TBCK: variants seen among roughly 807,000 people sequenced by gnomAD.
TBCK encodes the protein TBC domain-containing protein kinase-like protein.
TBCK carries 99 observed loss-of-function variants against 113.4 expected under a neutral mutation model. That is an observed-to-expected ratio of 0.87 (90% CI 0.74 to 1.03). The LOEUF (loss-of-function observed/expected upper bound fraction) is 1.03, where lower values mean the gene tolerates loss of function less well. Ranked by LOEUF, TBCK falls within the 50% of genes least tolerant of loss-of-function variation. TBCK has a pLI of 0.00. For synonymous variants in TBCK, 369 were observed against 370.8 expected (o/e 1.00, Z 0.05); for missense variants, 1,045 against 1,061.3 (o/e 0.98, Z 0.21).
rs569852983 is a variant in TBCK, at chr4:106,118,740, T to C, written c.2236-2362A>G. ...GAGTGCCCTGACTAAGAAGAGGATT[T>C]GTCCAAAGTATTCTTTATGAAGAAC... On this transcript the variant is annotated intron_variant, in intron 23 of 25. Coordinates refer to ENST00000394708, the MANE Select transcript of TBCK (RefSeq NM_001163435.3). 2.9e-4 allele frequency among the ~76,000 whole-genome samples: 44 copies of C among 152,334 alleles called. No individual in the cohort carries two copies. In the South Asian group the frequency reaches 8.9e-3, roughly 31 times the overall value.
rs139256607 is a variant in TBCK at position 106,061,854 on chromosome 4, T to C, written c.2572-15174A>G. On this transcript the variant is annotated intron_variant, in intron 25 of 25. Coordinates refer to ENST00000394708, the MANE Select transcript of TBCK (RefSeq NM_001163435.3). ...TGCAAACTTGTCCCCAAATGGAATGTGAGATACGGCTTTATGGTGTTCATG... is the reference window on the plus strand; with the variant it reads ...TGCAAACTTGTCCCCAAATGGAATGCGAGATACGGCTTTATGGTGTTCATG... 2.1e-3 allele frequency among the ~76,000 whole-genome samples: 320 copies of C among 151,920 alleles called. 1 individual carries two copies. Among genetic ancestry groups the C allele is most frequent in the African/African-American group, 7.3e-3 (305 of 41,502 alleles).
intron 19 of TBCK, among the ~76,000 whole-genome samples, chr4:106,218,352 A>C (rs1455787775): frequency 6.7e-6 from 1 of 150,318 alleles, no homozygotes; most frequent in Non-Finnish European, 1.5e-5. Context: ...TGGCAACAAA[A>C]GACAAAATTG....
intron 22 of TBCK, among the ~76,000 whole-genome samples, chr4:106,182,953 A>G (rs1752575899): frequency 1.3e-5 from 2 of 152,110 alleles, no homozygotes; most frequent in South Asian, 4.1e-4. Context: ...TGAGTAACTC[A>G]CTGATCCACG....
chr4:106,170,388 G>A (rs989226147), intron 23 of TBCK, among the ~76,000 whole-genome samples: 12 of 151,984 alleles, frequency 7.9e-5, no homozygotes, highest in Non-Finnish European at 1.5e-4. Flanking sequence ...GGCAGAGATT[G>A]TAATTATTGA....
At chr4:106,279,361 G>A (rs1202110626) in intron 3 of TBCK, among the ~76,000 whole-genome samples, 1 of 151,978 alleles carries the variant, frequency 6.6e-6, no homozygotes, top group African/African-American at 2.4e-5. Flanking sequence ...TGTGGTACAT[G>A]ATATATTCTG....
At chr4:106,256,628 C>T (rs1762019117) in intron 5 of TBCK, among the ~76,000 whole-genome samples, 1 of 151,976 alleles carries the variant, frequency 6.6e-6, no homozygotes, top group Admixed American at 6.6e-5. Context: ...ACAGGGAGGC[C>T]TGGGTCTGCA....
At chr4:106,058,371 G>T (rs1578770698) in intron 25 of TBCK, among the ~76,000 whole-genome samples, 2 of 151,844 alleles carry the variant, frequency 1.3e-5, no homozygotes, top group South Asian at 4.2e-4. Context: ...TTCCCTGAAG[G>T]AAGCATGGGA....
chr4:106,183,655 T>G (rs1752665210), intron 22 of TBCK, among the ~76,000 whole-genome samples: 1 of 152,140 alleles, frequency 6.6e-6, no homozygotes, highest in Admixed American at 6.6e-5. Context: ...CACAATTTCC[T>G]GACCAGCAGT....
At chr4:106,167,371 T>G (rs372390995) in intron 23 of TBCK, among the ~76,000 whole-genome samples, 5 of 151,342 alleles carry the variant, frequency 3.3e-5, no homozygotes, top group African/African-American at 1.2e-4. Context: ...ATTGGTGGAA[T>G]GCATCAAAAA....
chr4:106,050,115 CAG>C (rs759922915), intron 25 of TBCK, among the ~76,000 whole-genome samples: 6 of 151,842 alleles, frequency 4.0e-5, no homozygotes, highest in Non-Finnish European at 8.8e-5. Flanking sequence ...TAATGTGAAA[CAG>C]ATTATTGCAG....
intron 21 of TBCK, 96 bp from the exon 22 acceptor site, chr4:106,193,866 G>A: frequency 2.5e-6 from 2 of 798,366 alleles, no homozygotes; most frequent in Non-Finnish European, 1.9e-6. Flanking sequence ...ATTACCTTAT[G>A]GTCAAAACTA....
chr4:106,297,643 A>AT (rs1481865684), intron 2 of TBCK: 1 of 152,182 alleles, frequency 6.6e-6, no homozygotes, highest in Non-Finnish European at 1.5e-5. Flanking sequence ...CATCTATATT[A>AT]TTTTATCTTA....
intron 23 of TBCK, among the ~76,000 whole-genome samples, chr4:106,126,477 C>T (rs1030530654): frequency 2.3e-4 from 35 of 152,070 alleles, no homozygotes; most frequent in Admixed American, 1.6e-3. Flanking sequence ...GTATATGTAA[C>T]GAAAACTGTG....
intron 23 of TBCK, among the ~76,000 whole-genome samples, chr4:106,133,737 G>T (rs186622547): frequency 6.6e-6 from 1 of 152,198 alleles, no homozygotes; most frequent in Non-Finnish European, 1.5e-5. Context: ...TAGGCTGGTC[G>T]TGATGGCTCA....
Position 106,248,955 on chromosome 4 carries a change from A to G in TBCK, c.686T>C (p.Leu229Pro). The G allele has an allele frequency of 6.2e-7, 1 of 1,608,450 alleles. No individual in the cohort carries two copies. Among genetic ancestry groups the G allele is most frequent in the Non-Finnish European group, 8.5e-7 (1 of 1,178,242 alleles). ...LDCVDDTLIVLAEEHGCLDII... is the reference protein window; with the variant it reads ...LDCVDDTLIVPAEEHGCLDII... The stretch of plus-strand genomic sequence containing the variant: ...GTCCAAACAACCATGCTCTTCAGCC[A>G]GAACTATTAAAGTGTCATCTACACA... Residue 229 changes from leucine to proline, a missense_variant, in exon 8 of 26, where the codon CTG becomes CCG. By Grantham distance (98) the Leu-to-Pro change is moderately conservative. Coordinates refer to ENST00000394708, the MANE Select transcript of TBCK (RefSeq NM_001163435.3).
At chr4:106,253,543 G>A (rs1353712646) in intron 5 of TBCK, among the ~76,000 whole-genome samples, 1 of 152,110 alleles carries the variant, frequency 6.6e-6, no homozygotes, top group Non-Finnish European at 1.5e-5. Flanking sequence ...TTCAAAACGA[G>A]TTATACCAAT....
chr4:106,219,788 A>G (rs761765512), intron 19 of TBCK, among the ~76,000 whole-genome samples: 33 of 152,020 alleles, frequency 2.2e-4, no homozygotes, highest in Non-Finnish European at 4.1e-4. Flanking sequence ...ATCCTCCTGT[A>G]TTGGCCACCC....
chr4:106,262,464 G>T (rs1237529599), intron 3 of TBCK, among the ~76,000 whole-genome samples: 3 of 151,994 alleles, frequency 2.0e-5, no homozygotes, highest in African/African-American at 7.2e-5. Context: ...GCAGTATTTG[G>T]TTCTTCCACG....
chr4:106,197,405 GTGTGTGTA>G lies in TBCK; in HGVS notation c.1861-2659_1861-2652del, dbSNP rs1174919617. On this transcript the variant is annotated intron_variant, in intron 20 of 25. Coordinates refer to ENST00000394708, the MANE Select transcript of TBCK (RefSeq NM_001163435.3). ...TATCTGAGTGTGTGTGTGTGTGTGTGTGTGTGTATATATATATATATATATATAATACA... is the reference window on the plus strand; with the variant it reads ...TATCTGAGTGTGTGTGTGTGTGTGTGTATATATATATATATATATAATACA... 3.4e-3 allele frequency among the ~76,000 whole-genome samples: 358 copies of G among 105,870 alleles called. 1 individual carries two copies. The Middle Eastern group carries it at 0.055, about 16-fold the overall frequency. The allele number at this position is 105,870 out of a possible 152,430, so 69.5% of individuals were successfully genotyped here. A position where few individuals can be genotyped will look rare whatever the true frequency, so the allele number is the denominator to read the frequency against.
Sources: allele counts gnomAD v4.1 joint callset (sites outside exome capture counted in the v4.1 genomes callset), GRCh38; gene constraint gnomAD v4.1.1; transcripts MANE v1.5; gene names NCBI Gene and HGNC (gene_info 2026-07-23, HGNC 2026-07-21).